Variants in LINGO2 observed in about 807,000 individuals in gnomAD.
LINGO2 encodes leucine-rich repeat and immunoglobulin-like domain-containing nogo receptor-interacting protein 2.
LINGO2 carries 14 observed loss-of-function variants against 30.6 expected under a neutral mutation model. The observed-to-expected ratio is 0.46, with a 90% CI of 0.30 to 0.72. LINGO2 has a LOEUF of 0.72. Among genes scored for constraint, LINGO2 ranks in the 30% least tolerant of loss-of-function variants. The pLI, the probability that LINGO2 is intolerant of heterozygous loss-of-function variation, is 0.07. For missense variants in LINGO2, 729 were observed against 751.7 expected, an observed-to-expected ratio of 0.97 and a Z score of 0.35; for synonymous variants, 317 against 288.5, an observed-to-expected ratio of 1.10 and a Z score of -1.00.
chr9:28,751,375 C>T, the LINGO2 span, among the ~76,000 whole-genome samples: 1 of 150,856 alleles, frequency 6.6e-6, no homozygotes, highest in Admixed American at 6.6e-5. Context: ...ACCAGCATGT[C>T]CTTGCCTCAG....
intron 2 of LINGO2, among the ~76,000 whole-genome samples, chr9:28,402,605 C>G (rs1356080781): frequency 1.3e-5 from 2 of 151,848 alleles, no homozygotes; most frequent in Non-Finnish European, 2.9e-5. Context: ...CTTCCTTCCT[C>G]TCTTCTTTTC....
At chr9:28,236,242 T>C (rs1357521960) in intron 4 of LINGO2, among the ~76,000 whole-genome samples, 7 of 152,184 alleles carry the variant, frequency 4.6e-5, no homozygotes, top group Non-Finnish European at 8.8e-5. Flanking sequence ...AAATATTCTT[T>C]AAGCATGAAG....
the LINGO2 span, among the ~76,000 whole-genome samples, chr9:28,851,806 TA>T: frequency 6.6e-6 from 1 of 151,974 alleles, no homozygotes; most frequent in African/African-American, 2.4e-5. Context: ...TTCAGACCCC[TA>T]GAAGAGTAAA....
chr9:28,688,609 T>C, the LINGO2 span, among the ~76,000 whole-genome samples: 1 of 152,190 alleles, frequency 6.6e-6, no homozygotes, highest in African/African-American at 2.4e-5. Flanking sequence ...CTAAAAGCTG[T>C]GTTCCTCATT....
intron 3 of LINGO2, among the ~76,000 whole-genome samples, chr9:28,354,262 T>C (rs1820060893): frequency 6.6e-6 from 1 of 152,200 alleles, no homozygotes; most frequent in Non-Finnish European, 1.5e-5. Flanking sequence ...CCAGTAGGTT[T>C]GGGAAAGATG....
chr9:28,707,684 T>C, the LINGO2 span, among the ~76,000 whole-genome samples: 8 of 152,030 alleles, frequency 5.3e-5, no homozygotes, highest in African/African-American at 1.9e-4. Flanking sequence ...TCCCCAATCA[T>C]GAGATGCTGT....
chr9:28,117,555 C>T (rs7025210), intron 4 of LINGO2, among the ~76,000 whole-genome samples: 75,570 of 76,698 alleles, frequency 0.99, 37,274 homozygotes, highest in Middle Eastern at 1. Flanking sequence ...GTGCTAGCAA[C>T]CAGCGAGATT....
In LINGO2 at chr9:28,127,129, C is replaced by A. The variant is rs557862776; in HGVS notation, c.-86-114724G>T. On this transcript the variant is annotated intron_variant, in intron 4 of 5. Transcript: ENST00000379992. ...TGCCTGTCTACAAGATAGCCCCTGG[C>A]AATTTCTTCCTTCTCTGTACTTGCC... is the stretch of plus-strand genomic sequence containing the variant. Among the ~76,000 whole-genome samples, 4 of 152,280 alleles carry A rather than the reference C, an allele frequency of 2.6e-5. No individual in the cohort carries two copies. In the East Asian group the frequency reaches 7.7e-4, roughly 29 times the overall value.
the LINGO2 span, among the ~76,000 whole-genome samples, chr9:29,159,925 A>G: frequency 1.3e-5 from 2 of 152,038 alleles, no homozygotes; most frequent in African/African-American, 4.8e-5. Context: ...AGGGTTTACT[A>G]TTACTCTCCT....
At chr9:28,652,709 A>AG (rs1426855395) in intron 1 of LINGO2, among the ~76,000 whole-genome samples, 1 of 151,848 alleles carries the variant, frequency 6.6e-6, no homozygotes, top group Admixed American at 6.6e-5. Flanking sequence ...CTGAAATCCC[A>AG]GAAAAAAAAA....
At chr9:29,105,297 TA>T in the LINGO2 span, among the ~76,000 whole-genome samples, 1 of 152,192 alleles carries the variant, frequency 6.6e-6, no homozygotes, top group African/African-American at 2.4e-5. Context: ...CACGTCAGTT[TA>T]AGCCAGTCAA....
At chr9:27,977,940 T>A (rs1307404892) in intron 5 of LINGO2, among the ~76,000 whole-genome samples, 2 of 152,038 alleles carry the variant, frequency 1.3e-5, no homozygotes, top group Non-Finnish European at 2.9e-5. Context: ...TTGTCCCAGA[T>A]TCTGGCTCTG....
the LINGO2 span, among the ~76,000 whole-genome samples, chr9:29,160,925 A>G: frequency 5.9e-5 from 9 of 152,198 alleles, no homozygotes; most frequent in Admixed American, 4.6e-4. Flanking sequence ...CTGAGCCACT[A>G]TTGTCTGCAG....
chr9:28,848,393 GTGTGTATATATATA>G, the LINGO2 span, among the ~76,000 whole-genome samples: 37 of 67,208 alleles, frequency 5.5e-4, no homozygotes, highest in African/African-American at 8.9e-4. Context: ...GTGTGTGTGT[GTGTGTATATATATA>G]TATATATATA....
chr9:28,908,448 A>C, the LINGO2 span, among the ~76,000 whole-genome samples: 1 of 152,024 alleles, frequency 6.6e-6, no homozygotes. Flanking sequence ...TGCTGGAGAA[A>C]ACAAACAACA....
chr9:29,061,665 A>G, the LINGO2 span, among the ~76,000 whole-genome samples: 2 of 152,126 alleles, frequency 1.3e-5, no homozygotes, highest in Admixed American at 1.3e-4. Context: ...ACCTTACACC[A>G]TATACAAAAA....
At chr9:28,534,303 T>C (rs1475667316) in intron 1 of LINGO2, among the ~76,000 whole-genome samples, 5 of 152,156 alleles carry the variant, frequency 3.3e-5, no homozygotes, top group Non-Finnish European at 5.9e-5. Flanking sequence ...ACTACAGGCA[T>C]GTGCCATCAC....
chr9:28,420,482 T>C (rs537651425), intron 2 of LINGO2, among the ~76,000 whole-genome samples: 33 of 152,078 alleles, frequency 2.2e-4, no homozygotes, highest in Non-Finnish European at 2.6e-4. Flanking sequence ...AAAGATTCGC[T>C]TCATCTATTG....
chr9:28,299,738 T>C (rs896294322), intron 3 of LINGO2, among the ~76,000 whole-genome samples: 4 of 152,136 alleles, frequency 2.6e-5, no homozygotes, highest in Non-Finnish European at 5.9e-5. Context: ...CTGTACCGTA[T>C]TAACTCAATT....
Sources: gnomAD v4.1 joint callset for allele counts (sites outside exome capture counted in the v4.1 genomes callset) on GRCh38, gnomAD v4.1.1 for gene constraint, MANE v1.5 for transcripts, NCBI Gene and HGNC (gene_info 2026-07-23, HGNC 2026-07-21) for gene names.